HCN1: variants seen among roughly 807,000 people sequenced by gnomAD.
HCN1 encodes hyperpolarization activated cyclic nucleotide gated potassium channel 1, also known as potassium/sodium hyperpolarization-activated cyclic nucleotide-gated channel 1.
A neutral mutation model predicts 78.9 loss-of-function variants in HCN1; 13 were observed. The observed-to-expected ratio is 0.16, with a 90% CI of 0.11 to 0.26. The LOEUF (loss-of-function observed/expected upper bound fraction) is 0.26. Among genes scored for constraint, HCN1 ranks in the 10% least tolerant of loss-of-function variants. HCN1 has a pLI of 1.00. For missense variants in HCN1, 810 were observed against 1,154.3 expected (o/e 0.70, Z 4.32); for synonymous variants, 552 against 455.5 (o/e 1.21, Z -2.70).
chr5:45,583,681 C>A (rs1452896749), intron 2 of HCN1, among the ~76,000 whole-genome samples: 1 of 152,070 alleles, frequency 6.6e-6, no homozygotes, highest in Non-Finnish European at 1.5e-5. Flanking sequence ...AAATTTCCCT[C>A]TACACACTGC....
intron 1 of HCN1, among the ~76,000 whole-genome samples, chr5:45,685,886 T>C (rs1421500987): frequency 2.0e-5 from 3 of 152,188 alleles, no homozygotes; most frequent in African/African-American, 7.2e-5. Context: ...TATTTTTTTC[T>C]TCAGAAATTA....
intron 2 of HCN1, among the ~76,000 whole-genome samples, chr5:45,592,559 T>C (rs925005295): frequency 5.3e-5 from 8 of 152,192 alleles, no homozygotes; most frequent in Non-Finnish European, 1.0e-4. Flanking sequence ...TTATATCATA[T>C]GTTCTAAATG....
chr5:45,484,875 A>G (rs1236758220), intron 2 of HCN1, among the ~76,000 whole-genome samples: 1 of 152,126 alleles, frequency 6.6e-6, no homozygotes, highest in Non-Finnish European at 1.5e-5. Flanking sequence ...ATGAGCTCAC[A>G]TTCATGGGGT....
chr5:45,592,273 C>A (rs532204023), intron 2 of HCN1, among the ~76,000 whole-genome samples: 2 of 151,812 alleles, frequency 1.3e-5, no homozygotes, highest in Non-Finnish European at 2.9e-5. Context: ...TTAAAGTATG[C>A]GGAGTTCATA....
intron 3 of HCN1, among the ~76,000 whole-genome samples, chr5:45,441,140 T>A (rs1740669728): frequency 6.6e-6 from 1 of 152,192 alleles, no homozygotes; most frequent in Non-Finnish European, 1.5e-5. Context: ...TTGACCCAGG[T>A]TACAGTATTC....
At chr5:45,299,486 C>T (rs930958773) in intron 6 of HCN1, among the ~76,000 whole-genome samples, 1 of 151,698 alleles carries the variant, frequency 6.6e-6, no homozygotes, top group East Asian at 1.9e-4. Context: ...TTTCAACATA[C>T]TGGTGATTGG....
At chr5:45,389,467 G>A (rs1747996315) in intron 4 of HCN1, among the ~76,000 whole-genome samples, 3 of 152,014 alleles carry the variant, frequency 2.0e-5, no homozygotes, top group Admixed American at 1.3e-4. Context: ...CATTCTATTA[G>A]GTGAAATATC....
At chr5:45,551,995 C>G (rs1743379329) in intron 2 of HCN1, among the ~76,000 whole-genome samples, 1 of 151,812 alleles carries the variant, frequency 6.6e-6, no homozygotes, top group Admixed American at 6.6e-5. Context: ...TACACAGTGA[C>G]CATTAATTGT....
intron 4 of HCN1, among the ~76,000 whole-genome samples, chr5:45,354,405 A>C (rs2111984562): frequency 6.6e-6 from 1 of 152,112 alleles, no homozygotes; most frequent in African/African-American, 2.4e-5. Flanking sequence ...AAGATGTCAA[A>C]ATAATATTTT....
At chr5:45,539,436 G>C (rs1036795399) in intron 2 of HCN1, among the ~76,000 whole-genome samples, 2 of 151,254 alleles carry the variant, frequency 1.3e-5, no homozygotes, top group Admixed American at 6.6e-5. Flanking sequence ...GCCGAGGTGG[G>C]CGGATCACGA....
At chr5:45,342,465 T>C (rs1167551801) in intron 5 of HCN1, among the ~76,000 whole-genome samples, 4 of 151,966 alleles carry the variant, frequency 2.6e-5, no homozygotes, top group African/African-American at 9.7e-5. Flanking sequence ...CTTAAACTCC[T>C]GACCACAGGT....
chr5:45,429,103 T>C (rs1358622388), intron 3 of HCN1, among the ~76,000 whole-genome samples: 2 of 152,134 alleles, frequency 1.3e-5, no homozygotes, highest in Admixed American at 6.6e-5. Flanking sequence ...ATTATCTTTA[T>C]AGGTGATGGA....
At chr5:45,654,016 T>C (rs1255085668) in intron 1 of HCN1, among the ~76,000 whole-genome samples, 3 of 152,116 alleles carry the variant, frequency 2.0e-5, no homozygotes, top group Non-Finnish European at 4.4e-5. Context: ...AATGGTAGAA[T>C]TATGATGCAC....
At chr5:45,307,723 T>C (rs1260689689) in intron 5 of HCN1, among the ~76,000 whole-genome samples, 1 of 152,012 alleles carries the variant, frequency 6.6e-6, no homozygotes, top group African/African-American at 2.4e-5. Context: ...CAAGTGACCA[T>C]AATGTGGTAT....
intron 2 of HCN1, among the ~76,000 whole-genome samples, chr5:45,571,338 T>C (rs1743830130): frequency 6.6e-6 from 1 of 152,192 alleles, no homozygotes; most frequent in Non-Finnish European, 1.5e-5. Context: ...TTCTTGGAGA[T>C]GTTTTCTGAC....
At chr5:45,672,269 G>A (rs1004101402) in intron 1 of HCN1, among the ~76,000 whole-genome samples, 1 of 151,516 alleles carries the variant, frequency 6.6e-6, no homozygotes, top group Non-Finnish European at 1.5e-5. Flanking sequence ...GCATATTTAT[G>A]CAGAAAATAC....
intron 4 of HCN1, among the ~76,000 whole-genome samples, chr5:45,357,150 A>G (rs1747020857): frequency 6.6e-6 from 1 of 152,036 alleles, no homozygotes; most frequent in South Asian, 2.1e-4. Context: ...TCTAAATGCC[A>G]TGTTTCTGTT....
chr5:45,596,240 A>G (rs1248690207), intron 2 of HCN1, among the ~76,000 whole-genome samples: 1 of 152,196 alleles, frequency 6.6e-6, no homozygotes, highest in Non-Finnish European at 1.5e-5. Flanking sequence ...TTATCAGGAC[A>G]TAACCTAACT....
intron 4 of HCN1, among the ~76,000 whole-genome samples, chr5:45,374,743 C>T (rs565848739): frequency 6.7e-6 from 1 of 148,188 alleles, no homozygotes; most frequent in Non-Finnish European, 1.5e-5. Flanking sequence ...CAAAACTCCT[C>T]AACAAAATAC....
Sources: gnomAD v4.1 joint callset for allele counts (sites outside exome capture counted in the v4.1 genomes callset) on GRCh38, gnomAD v4.1.1 for gene constraint, MANE v1.5 for transcripts, NCBI Gene and HGNC (gene_info 2026-07-23, HGNC 2026-07-21) for gene names.